The following ERLEC1 variants were observed in gnomAD, a reference collection of about 807,000 sequenced individuals.
ERLEC1 encodes endoplasmic reticulum lectin 1.
A neutral mutation model predicts 68.0 loss-of-function variants in ERLEC1; 47 were observed. The observed-to-expected ratio is 0.69, with a 90% confidence interval of 0.55 to 0.88. ERLEC1 has a LOEUF of 0.88. ERLEC1 is among the 40% of genes least tolerant of loss of function. ERLEC1 has a pLI of 0.00. For synonymous variants in ERLEC1, 225 were observed against 203.2 expected (o/e 1.11, Z -0.91); for missense variants, 567 against 583.8 (o/e 0.97, Z 0.30).
chr2:53,793,450 A>T (rs1675518948), intron 1 of ERLEC1, among the ~76,000 whole-genome samples: 1 of 152,208 alleles, frequency 6.6e-6, no homozygotes, highest in Admixed American at 6.5e-5. Flanking sequence ...GTATTTGTTT[A>T]CATATTGTGT....
chr2:53,790,733 A>G (rs1326849447), intron 1 of ERLEC1, among the ~76,000 whole-genome samples: 2 of 152,150 alleles, frequency 1.3e-5, no homozygotes, highest in Non-Finnish European at 2.9e-5. Flanking sequence ...TCAGCCTCTT[A>G]AAGCGCTGGG....
At chr2:53,794,555 C>T (rs1370772434) in intron 2 of ERLEC1, 106 bp downstream of exon 2, 9 of 582,056 alleles carry the variant, frequency 1.5e-5, no homozygotes, top group African/African-American at 5.9e-5. Context: ...TTCTCAATAA[C>T]GCTCTTTTAG....
At chr2:53,789,446 G>T (rs368581060) in intron 1 of ERLEC1, among the ~76,000 whole-genome samples, 1 of 151,546 alleles carries the variant, frequency 6.6e-6, no homozygotes, top group Non-Finnish European at 1.5e-5. Context: ...AGTGCAGTAG[G>T]TATTTATAGG....
chr2:53,802,112 C>T (rs1676038824), intron 8 of ERLEC1, among the ~76,000 whole-genome samples: 1 of 151,560 alleles, frequency 6.6e-6, no homozygotes, highest in Admixed American at 6.6e-5. Flanking sequence ...GGTATTTGTC[C>T]CAGCTAACCC....
In ERLEC1 at chr2:53,797,873, T is replaced by G; in HGVS notation, c.490+78T>G. 4 of 982,632 alleles carry G rather than the reference T, an allele frequency of 4.1e-6. No homozygotes were observed. In the South Asian group the frequency reaches 6.4e-5, roughly 16 times the overall value. The allele number at this position is 982,632 out of a possible 1,614,324, so 60.9% of individuals were successfully genotyped here. A position where few individuals can be genotyped will look rare whatever the true frequency, so the allele number is the denominator to read the frequency against. ...TATGTTCAAAATGGAATTTACGAGATTTTTTTTTTGGACATTGTGTGAATT... is the reference window on the plus strand; with the variant it reads ...TATGTTCAAAATGGAATTTACGAGAGTTTTTTTTTGGACATTGTGTGAATT... On this transcript the variant is annotated intron_variant, in intron 5 of 13. Transcript: ENST00000185150.
chr2:53,814,403 T>C, intron 11 of ERLEC1, 140 bp from the exon 12 acceptor site: 2 of 519,562 alleles, frequency 3.8e-6, no homozygotes, highest in South Asian at 8.0e-5. Context: ...AAAATATTTT[T>C]TTAAAGAATA....
intron 1 of ERLEC1, among the ~76,000 whole-genome samples, chr2:53,791,255 TTAAAATTTGACTTTATGTCAAATCTCTAA>T (rs1325923020): frequency 4.9e-4 from 74 of 152,370 alleles, no homozygotes; most frequent in African/African-American, 1.2e-3. Flanking sequence ...TTTCACTATA[TTAAAATTTGACTTTATGTCAAATCTCTAA>T]TAAAATTTGA....
rs763949277 is a variant in ERLEC1, at chr2:53,794,368, A to G, written c.186A>G (p.Lys62=). The change falls in exon 2 of 14, where the codon AAA becomes AAG. Residue 62 remains lysine, a synonymous_variant. Coordinates refer to ENST00000185150, the MANE Select transcript of ERLEC1 (RefSeq NM_015701.5). ...AGCCCACAACTGGAGTTTTATATAA[A>G]GAAGATAATTATGTCATCATGACAA... The part of the protein sequence containing the change: ...FSLPTTGVLY[K]EDNYVIMTTA... 6.4e-7 allele frequency: 1 copy of G among 1,562,820 alleles called. No individual in the cohort carries two copies. The highest frequency in any genetic ancestry group is 8.7e-7 in the Non-Finnish European group (1 of 1,148,236).
In ERLEC1 at chr2:53,789,912, G is replaced by A. The variant is rs1280089509; in HGVS notation, c.162+2540G>A. Among the ~76,000 whole-genome samples, 4 of 151,666 alleles carry A rather than the reference G, an allele frequency of 2.6e-5. No homozygotes were observed. The East Asian group carries it at 5.9e-4, about 22-fold the overall frequency. On this transcript the variant is annotated intron_variant, in intron 1 of 13. Transcript: ENST00000185150. The stretch of plus-strand genomic sequence containing the variant: ...CACATGTCTGTAGTTCCAGCTACTT[G>A]GGAGGCTGAGGCAGGAGAATCGCTT...
intron 1 of ERLEC1, 45 bp from the exon 2 acceptor site, chr2:53,794,300 C>A: frequency 1.2e-6 from 1 of 831,076 alleles, no homozygotes; most frequent in Non-Finnish European, 1.9e-6. Flanking sequence ...CAGTGTGATA[C>A]AATTTCACGG....
intron 1 of ERLEC1, among the ~76,000 whole-genome samples, chr2:53,792,561 A>C (rs1380003826): frequency 6.6e-6 from 1 of 152,198 alleles, no homozygotes; most frequent in Non-Finnish European, 1.5e-5. Flanking sequence ...TTGAGGATTA[A>C]TGAGTTAATG....
intron 6 of ERLEC1, among the ~76,000 whole-genome samples, chr2:53,799,605 A>G (rs1363289050): frequency 6.6e-6 from 1 of 152,222 alleles, no homozygotes; most frequent in Admixed American, 6.5e-5. Context: ...GACGTTTAAA[A>G]AGAATAATTC....
intron 1 of ERLEC1, chr2:53,787,618 A>C (rs1188684427): frequency 2.5e-6 from 1 of 399,024 alleles, no homozygotes; most frequent in Admixed American, 4.3e-5. Flanking sequence ...ATTCTGTCGC[A>C]CTAGACCTTG....
At chr2:53,813,485 C>G (rs1676698422) in intron 11 of ERLEC1, among the ~76,000 whole-genome samples, 1 of 152,148 alleles carries the variant, frequency 6.6e-6, no homozygotes, top group African/African-American at 2.4e-5. Flanking sequence ...ATGAGAGTGG[C>G]AGTGGTGTTA....
Position 53,787,060 on chromosome 2 carries a change from G to C in ERLEC1, c.-151G>C. The C allele has an allele frequency of 4.5e-6, 5 of 1,111,434 alleles. No individual in the cohort carries two copies. The highest frequency in any genetic ancestry group is 6.1e-6 in the Non-Finnish European group (5 of 818,572). The allele number at this position is 1,111,434 out of a possible 1,614,324, so 68.8% of individuals were successfully genotyped here. On this transcript the variant is annotated 5_prime_UTR_variant, in exon 1 of 14. Coordinates refer to ENST00000185150, the MANE Select transcript of ERLEC1 (RefSeq NM_015701.5). ...CAAGGGGGCGGAGGCGGCGTTGCCG[G>C]GCTCTCCGGAAGGAGACGTGGCGGC... is the stretch of plus-strand genomic sequence containing the variant.
At chr2:53,789,309 G>A (rs953663529) in intron 1 of ERLEC1, among the ~76,000 whole-genome samples, 3 of 146,990 alleles carry the variant, frequency 2.0e-5, no homozygotes, top group Admixed American at 7.0e-5. Flanking sequence ...CAGGAGAATC[G>A]CTTAAACCCG....
intron 2 of ERLEC1, among the ~76,000 whole-genome samples, chr2:53,795,032 A>G (rs1675613689): frequency 9.1e-6 from 1 of 109,324 alleles, no homozygotes; most frequent in Non-Finnish European, 1.9e-5. Flanking sequence ...TTAAAACAAG[A>G]TAACAATTTT....
chr2:53,808,976 C>G (rs1233317158), intron 9 of ERLEC1, among the ~76,000 whole-genome samples: 4 of 152,138 alleles, frequency 2.6e-5, no homozygotes, highest in African/African-American at 9.7e-5. Flanking sequence ...ACTCTTAGTA[C>G]TAGTGGGAAA....
At chr2:53,797,462 A>C in intron 3 of ERLEC1, 53 bp from the exon 4 acceptor site, 6 of 1,339,844 alleles carry the variant, frequency 4.5e-6, no homozygotes, top group South Asian at 1.3e-5. Context: ...TCAGAAAGTA[A>C]TTCAGCTGAG....
Sources: gnomAD v4.1 joint callset for allele counts (sites outside exome capture counted in the v4.1 genomes callset) on GRCh38, gnomAD v4.1.1 for gene constraint, MANE v1.5 for transcripts, NCBI Gene and HGNC (gene_info 2026-07-23, HGNC 2026-07-21) for gene names.